ST3GAL3: variants seen among roughly 807,000 people sequenced by gnomAD.
ST3GAL3 encodes the protein ST3 beta-galactoside alpha-2,3-sialyltransferase 3.
Under a neutral mutation model 50.1 loss-of-function variants are expected in ST3GAL3, and 21 were observed. The observed-to-expected ratio is 0.42, with a 90% CI of 0.30 to 0.60. The LOEUF (loss-of-function observed/expected upper bound fraction) is 0.60, where lower values mean the gene tolerates loss of function less well. Among genes scored for constraint, ST3GAL3 ranks in the 20% least tolerant of loss-of-function variants. The pLI, the probability that ST3GAL3 is intolerant of heterozygous loss-of-function variation, is 0.19. For missense variants in ST3GAL3, 353 were observed against 489.4 expected (o/e 0.72, Z 2.63); for synonymous variants, 183 against 190.0 (o/e 0.96, Z 0.30).
At chr1:43,774,358 A>T (rs1338176380) in intron 2 of ST3GAL3, among the ~76,000 whole-genome samples, 1 of 152,170 alleles carries the variant, frequency 6.6e-6, no homozygotes, top group African/African-American at 2.4e-5. Flanking sequence ...TTTCTGTCTT[A>T]TTGCCTTGTG....
intron 5 of ST3GAL3, chr1:43,850,414 G>T (rs2067067380): frequency 1.4e-4 from 83 of 576,098 alleles, no homozygotes; most frequent in South Asian, 1.2e-3. Context: ...AACTCTTTCA[G>T]GGTGGCTCTG....
intron 3 of ST3GAL3, among the ~76,000 whole-genome samples, chr1:43,808,840 A>G (rs2060210869): frequency 6.6e-6 from 1 of 152,198 alleles, no homozygotes; most frequent in Non-Finnish European, 1.5e-5. Context: ...CAGCCAGGAT[A>G]ATCCCTAGCA....
intron 5 of ST3GAL3, among the ~76,000 whole-genome samples, chr1:43,882,861 C>T (rs1474527927): frequency 2.6e-5 from 4 of 152,198 alleles, no homozygotes; most frequent in East Asian, 1.9e-4. Flanking sequence ...AAAAAAGAGA[C>T]TCCCACAGCC....
At chr1:43,778,796 C>A (rs1004100998) in intron 2 of ST3GAL3, among the ~76,000 whole-genome samples, 2 of 151,720 alleles carry the variant, frequency 1.3e-5, no homozygotes, top group African/African-American at 4.8e-5. Flanking sequence ...CAGGCACCCG[C>A]CACAACGCCC....
intron 5 of ST3GAL3, among the ~76,000 whole-genome samples, chr1:43,873,178 G>C (rs914157066): frequency 6.6e-6 from 1 of 152,182 alleles, no homozygotes; most frequent in Non-Finnish European, 1.5e-5. Flanking sequence ...AGGCTATTGT[G>C]ACCTACAGGA....
intron 2 of ST3GAL3, among the ~76,000 whole-genome samples, chr1:43,766,202 C>A (rs551890965): frequency 6.6e-6 from 1 of 152,108 alleles, no homozygotes; most frequent in African/African-American, 2.4e-5. Context: ...GGAGAGATAT[C>A]AATGACTTCT....
intron 1 of ST3GAL3, among the ~76,000 whole-genome samples, chr1:43,732,841 A>G (rs1345079745): frequency 6.6e-6 from 1 of 152,206 alleles, no homozygotes; most frequent in Non-Finnish European, 1.5e-5. Context: ...GCTAAGGTAT[A>G]TGAATATTAT....
At chr1:43,829,374 C>T (rs932326886) in intron 4 of ST3GAL3, among the ~76,000 whole-genome samples, 1 of 152,092 alleles carries the variant, frequency 6.6e-6, no homozygotes, top group African/African-American at 2.4e-5. Flanking sequence ...TACATTCCTC[C>T]ACTCTCTATT....
chr1:43,782,748 CT>C (rs60879458), intron 2 of ST3GAL3, among the ~76,000 whole-genome samples: 36,661 of 152,012 alleles, frequency 0.24, 4,939 homozygotes, highest in Non-Finnish European at 0.31. Context: ...ATGACATGGC[CT>C]TATGAGGTGG....
intron 2 of ST3GAL3, among the ~76,000 whole-genome samples, chr1:43,770,219 G>A: frequency 1.3e-5 from 1 of 76,216 alleles, no homozygotes; most frequent in African/African-American, 4.7e-5. Context: ...AGTGAGGAGA[G>A]GAGAGGGGAG....
At chr1:43,853,620 G>GTGC in intron 5 of ST3GAL3, among the ~76,000 whole-genome samples, 2 of 152,330 alleles carry the variant, frequency 1.3e-5, no homozygotes, top group South Asian at 4.1e-4. Flanking sequence ...AGCTAATGAG[G>GTGC]TGCTGATGTA....
chr1:43,811,884 C>T lies in ST3GAL3; in HGVS notation c.167-3007C>T, dbSNP rs572587257. ...CCTCTTTCCCTTCATCTCTAGCAACCGATTGCTATTTATATTTGATGTAGG... is the reference window on the plus strand; with the variant it reads ...CCTCTTTCCCTTCATCTCTAGCAACTGATTGCTATTTATATTTGATGTAGG... On this transcript the variant is annotated intron_variant, in intron 3 of 11. Transcript: ENST00000347631. 7.9e-5 allele frequency among the ~76,000 whole-genome samples: 12 copies of T among 152,280 alleles called. No individual in the cohort carries two copies. The South Asian group carries it at 1.5e-3, about 18-fold the overall frequency.
intron 1 of ST3GAL3, chr1:43,708,267 C>T (rs149019518): frequency 1.2e-4 from 18 of 152,330 alleles, no homozygotes; most frequent in African/African-American, 4.1e-4. Context: ...GAGAGTGTCC[C>T]ATGAACATTT....
intron 2 of ST3GAL3, among the ~76,000 whole-genome samples, chr1:43,753,932 T>C (rs1039846693): frequency 2.0e-5 from 3 of 152,156 alleles, no homozygotes; most frequent in African/African-American, 7.2e-5. Context: ...TGGTCTACTC[T>C]CAGGTAACTT....
At chr1:43,719,934 GAAAAAAAAAA>G (rs148364295) in intron 1 of ST3GAL3, among the ~76,000 whole-genome samples, 23 of 41,736 alleles carry the variant, frequency 5.5e-4, no homozygotes, top group African/African-American at 1.9e-3. Context: ...CTCTGTCTCA[GAAAAAAAAAA>G]AAAAAAAAAA....
intron 3 of ST3GAL3, among the ~76,000 whole-genome samples, chr1:43,794,050 C>T (rs1307969024): frequency 6.9e-6 from 1 of 144,852 alleles, no homozygotes; most frequent in Non-Finnish European, 1.5e-5. Context: ...CACCACTGCA[C>T]TCCAACCTGG....
chr1:43,819,690 G>A (rs550221382), intron 4 of ST3GAL3, among the ~76,000 whole-genome samples: 51 of 152,272 alleles, frequency 3.3e-4, no homozygotes, highest in African/African-American at 1.2e-3. Flanking sequence ...GGTTTATGGT[G>A]TGATGCTGAG....
chr1:43,878,572 G>A (rs1194910623), intron 5 of ST3GAL3, among the ~76,000 whole-genome samples: 1 of 152,176 alleles, frequency 6.6e-6, no homozygotes, highest in African/African-American at 2.4e-5. Context: ...AAGGCCCTAA[G>A]GCAGCAAGGA....
chr1:43,805,729 G>A (rs186141901), intron 3 of ST3GAL3, among the ~76,000 whole-genome samples: 67 of 152,178 alleles, frequency 4.4e-4, no homozygotes, highest in African/African-American at 1.5e-3. Context: ...GACAAGGAAC[G>A]CTCTTCTTTT....
Sources: gnomAD v4.1 joint callset for allele counts (sites outside exome capture counted in the v4.1 genomes callset) on GRCh38, gnomAD v4.1.1 for gene constraint, MANE v1.5 for transcripts, NCBI Gene and HGNC (gene_info 2026-07-23, HGNC 2026-07-21) for gene names.